The following DCLRE1C variants were observed in gnomAD, a reference collection of about 807,000 sequenced individuals.
DCLRE1C encodes protein artemis.
A neutral mutation model predicts 61.4 loss-of-function variants in DCLRE1C; 47 were observed. The observed-to-expected ratio is 0.77, with a 90% CI of 0.61 to 0.98. The LOEUF (loss-of-function observed/expected upper bound fraction) is 0.98. Ranked by LOEUF, DCLRE1C falls within the 50% of genes least tolerant of loss-of-function variation. DCLRE1C has a pLI of 0.00. For missense variants in DCLRE1C, 858 were observed against 816.0 expected (o/e 1.05, Z -0.63); for synonymous variants, 337 against 287.6 (o/e 1.17, Z -1.74).
In DCLRE1C at chr10:14,936,596, A is replaced by G. The variant is rs1839965623; in HGVS notation, c.307-3T>C. The G allele has an allele frequency of 1.2e-6, 2 of 1,610,936 alleles. No individual in the cohort carries two copies. Among genetic ancestry groups the G allele is most frequent in the South Asian group, 1.1e-5 (1 of 90,818 alleles). On this transcript the variant is annotated splice_polypyrimidine_tract_variant and splice_region_variant and intron_variant, in intron 4 of 13. Coordinates refer to ENST00000378278, the MANE Select transcript of DCLRE1C (RefSeq NM_001033855.3). ...AGAGTCACAACAATCTCTTCCTTCTAAAAAGAAAATAAAGAAAAAATAGTA... is the reference window on the plus strand; with the variant it reads ...AGAGTCACAACAATCTCTTCCTTCTGAAAAGAAAATAAAGAAAAAATAGTA...
rs760586073 is a variant in DCLRE1C, at chr10:14,908,432, T to C, written c.2055A>G (p.Arg685=). The C allele has an allele frequency of 6.2e-7, 1 of 1,614,002 alleles. No homozygotes were observed. Among genetic ancestry groups the C allele is most frequent in the East Asian group, 2.2e-5 (1 of 44,868 alleles). The change falls in exon 14 of 14, where the codon AGA becomes AGG. Residue 685 remains arginine (R), a synonymous_variant. Transcript: ENST00000378278. ...ATGESIAVKK[R]KCSLLDT ...CTTAGGTATCTAAGAGTGAGCATTT[T>C]CTTTTTTTGACTGCTATACTCTCAC...
chr10:14,904,590 AAAG>A (rs1484046336), downstream of DCLRE1C, among the ~76,000 whole-genome samples: 3 of 152,168 alleles, frequency 2.0e-5, no homozygotes, highest in African/African-American at 7.2e-5. Flanking sequence ...GCAAAGAAAA[AAAG>A]ACTATTTTCA....
Position 14,936,689 on chromosome 10 carries a change from T to C in DCLRE1C, c.307-96A>G. The C allele has an allele frequency of 2.5e-6, 2 of 809,458 alleles. 1 individual carries two copies. The highest frequency in any genetic ancestry group is 5.4e-5 in the East Asian group (2 of 37,074). The allele number at this position is 809,458 out of a possible 1,614,324, so 50.1% of individuals were successfully genotyped here. A position where few individuals can be genotyped will look rare whatever the true frequency, so the allele number is the denominator to read the frequency against. ...CCTTCACAGAACACATTTATGTACC[T>C]TTTAACAATGTGCCTTTTCTCCCAA... is the stretch of plus-strand genomic sequence containing the variant. On this transcript the variant is annotated intron_variant, in intron 4 of 13. Coordinates refer to ENST00000378278, the MANE Select transcript of DCLRE1C (RefSeq NM_001033855.3).
chr10:14,904,315 ATTTTTTTT>A (rs35999949), downstream of DCLRE1C: 132 of 77,798 alleles, frequency 1.7e-3, 1 homozygote, highest in South Asian at 5.4e-3. Flanking sequence ...AAAAAAAAAA[ATTTTTTTT>A]TTTTTTTTTT....
intron 4 of DCLRE1C, among the ~76,000 whole-genome samples, chr10:14,937,849 G>A (rs145997954): frequency 0.021 from 2,819 of 136,694 alleles, 76 homozygotes; most frequent in African/African-American, 0.068. Context: ...AGCCAAGATC[G>A]CCCTACTGCA....
At chr10:14,936,455 A>T in intron 5 of DCLRE1C, 83 bp downstream of exon 5, 1 of 1,127,970 alleles carries the variant, frequency 8.9e-7, no homozygotes, top group Middle Eastern at 2.8e-4. Context: ...GCCCCCTATT[A>T]ATTTTAGACC....
intron 12 of DCLRE1C, among the ~76,000 whole-genome samples, chr10:14,921,359 A>G (rs936052981): frequency 6.6e-6 from 1 of 152,114 alleles, no homozygotes; most frequent in Non-Finnish European, 1.5e-5. Flanking sequence ...AGTGATTCCT[A>G]AACACATCCA....
chr10:14,914,941 A>T (rs1033035706), intron 13 of DCLRE1C, among the ~76,000 whole-genome samples: 2 of 110,376 alleles, frequency 1.8e-5, no homozygotes, highest in African/African-American at 5.6e-5. Flanking sequence ...CCATCTCATT[A>T]AAAAAAAAAA....
chr10:14,932,705 T>C (rs893391266), intron 9 of DCLRE1C, 149 bp downstream of exon 9: 14 of 858,926 alleles, frequency 1.6e-5, no homozygotes, highest in Middle Eastern at 2.1e-4. Context: ...TATGGCAATG[T>C]ACAGTTCCAT....
rs919860514 is a variant in DCLRE1C, at chr10:14,898,202, C to CTTTTTTTTTTTTTTTTTTTTTTTT, written c.*938_*961dup. 5 of 56,156 alleles carry CTTTTTTTTTTTTTTTTTTTTTTTT rather than the reference C, an allele frequency of 8.9e-5. 1 individual carries two copies. Among genetic ancestry groups the CTTTTTTTTTTTTTTTTTTTTTTTT allele is most frequent in the African/African-American group, 1.4e-4 (2 of 14,154 alleles). 3.5% of individuals were successfully genotyped at this position (56,156 alleles called of 1,614,324 possible). A position where few individuals can be genotyped will look rare whatever the true frequency, so the allele number is the denominator to read the frequency against. Reference sequence around the variant, plus strand: ...AAAACTCAGTGAGGTAGTACTGTTTCTTTTTTTTTTTTTTTTTTTTTTTTT... The same window carrying CTTTTTTTTTTTTTTTTTTTTTTTT: ...AAAACTCAGTGAGGTAGTACTGTTTCTTTTTTTTTTTTTTTTTTTTTTTTTTTTTTTTTTTTTTTTTTTTTTTTT... On this transcript the variant is annotated 3_prime_UTR_variant, in exon 14 of 14. Coordinates refer to the DCLRE1C transcript ENST00000378289.
intron 13 of DCLRE1C, among the ~76,000 whole-genome samples, chr10:14,914,730 G>A (rs534211329): frequency 4.1e-4 from 63 of 152,304 alleles, no homozygotes; most frequent in African/African-American, 1.4e-3. Flanking sequence ...CCTGAGGTCA[G>A]GAGTTTGAGA....
At position 14,907,100 on chromosome 10, in the gene DCLRE1C, C is replaced by T. The variant is rs751644028; in HGVS notation, c.*1308G>A. 1.3e-5 allele frequency among the ~76,000 whole-genome samples: 2 copies of T among 151,978 alleles called. No individual in the cohort carries two copies. The highest frequency in any genetic ancestry group is 2.1e-4 in the South Asian group (1 of 4,794). ...CTGGACTCAAAACCCTGAGCTCAAGCGAGCCTCCCAAAGTACTGGGATTGC... is the reference window on the plus strand; with the variant it reads ...CTGGACTCAAAACCCTGAGCTCAAGTGAGCCTCCCAAAGTACTGGGATTGC... On this transcript the variant is annotated 3_prime_UTR_variant, in exon 14 of 14. Transcript: ENST00000378278.
downstream of DCLRE1C, among the ~76,000 whole-genome samples, chr10:14,902,035 C>G (rs970562812): frequency 2.6e-5 from 4 of 152,078 alleles, no homozygotes; most frequent in Non-Finnish European, 5.9e-5. Flanking sequence ...ATTGTCATTG[C>G]TTAACCTCTT....
At chr10:14,915,582 TAA>T (rs1188226590) in intron 13 of DCLRE1C, among the ~76,000 whole-genome samples, 1 of 132,628 alleles carries the variant, frequency 7.5e-6, no homozygotes. Context: ...GTTAACTCAA[TAA>T]AAAAAAAAAT....
At chr10:14,914,378 C>G (rs2131833176) in intron 13 of DCLRE1C, among the ~76,000 whole-genome samples, 1 of 152,230 alleles carries the variant, frequency 6.6e-6, no homozygotes, top group African/African-American at 2.4e-5. Flanking sequence ...ATAGATGAAG[C>G]AAATGCCAAT....
chr10:14,945,352 G>A (rs1001610085), intron 2 of DCLRE1C, 163 bp from the exon 3 acceptor site: 7 of 1,376,122 alleles, frequency 5.1e-6, no homozygotes, highest in African/African-American at 4.4e-5. Flanking sequence ...AGCCTGGCAT[G>A]GTTATGAAAT....
In DCLRE1C at chr10:14,913,138, G is replaced by A. The variant is rs548959003; in HGVS notation, c.1157-3808C>T. 3.9e-5 allele frequency among the ~76,000 whole-genome samples: 6 copies of A among 152,370 alleles called. No homozygotes were observed. The South Asian group carries it at 8.3e-4, about 21-fold the overall frequency. On this transcript the variant is annotated intron_variant, in intron 13 of 13. Transcript: ENST00000378278. ...CCCAAAGTGCTGGGATTACAGGCGC[G>A]AGCCACTGTGCCTGGCCATATGAGT... is the stretch of plus-strand genomic sequence containing the variant.
At chr10:14,951,326 G>A (rs1232082795) in intron 1 of DCLRE1C, among the ~76,000 whole-genome samples, 1 of 141,446 alleles carries the variant, frequency 7.1e-6, no homozygotes, top group Non-Finnish European at 1.5e-5. Context: ...GGAGGTGAAG[G>A]CTGCAGTGAG....
intron 13 of DCLRE1C, among the ~76,000 whole-genome samples, chr10:14,909,813 CT>C (rs33967491): frequency 0.43 from 65,278 of 151,964 alleles, 15,876 homozygotes; most frequent in African/African-American, 0.65. Flanking sequence ...GGTTTTTCTT[CT>C]GTGAGCATCT....
Sources: allele counts gnomAD v4.1 joint callset (sites outside exome capture counted in the v4.1 genomes callset), GRCh38; gene constraint gnomAD v4.1.1; transcripts MANE v1.5; gene names NCBI Gene and HGNC (gene_info 2026-07-23, HGNC 2026-07-21).